Variants in MYLK3 observed in about 807,000 individuals in gnomAD.
MYLK3 encodes the protein myosin light chain kinase 3.
Under a neutral mutation model 76.3 loss-of-function variants are expected in MYLK3, and 55 were observed. The ratio of observed to expected loss-of-function variants is 0.72; its 90% CI spans 0.58 to 0.90. The LOEUF is 0.90. Among genes scored for constraint, MYLK3 ranks in the 40% least tolerant of loss-of-function variants. The pLI is 0.00. For missense variants in MYLK3, 973 were observed against 1,053.6 expected, an observed-to-expected ratio of 0.92 and a Z score of 1.06; for synonymous variants, 416 against 425.4, an observed-to-expected ratio of 0.98 and a Z score of 0.27.
rs969224187 is a variant in MYLK3 at position 46,709,761 on chromosome 16, G to A, written c.2268-90C>T. The A allele has an allele frequency of 2.2e-5, 32 of 1,439,786 alleles. No individual in the cohort carries two copies. In the African/African-American group the frequency reaches 4.1e-4, roughly 19 times the overall value. 89.2% of individuals were successfully genotyped at this position (1,439,786 alleles called of 1,614,324 possible). ...TCACTTGAGTAGGAAGCCTGAGTCA[G>A]TGGAACAGATTAATCATTTAGGCAG... On this transcript the variant is annotated intron_variant, in intron 11 of 12. Coordinates refer to ENST00000394809, the MANE Select transcript of MYLK3 (RefSeq NM_182493.3).
chr16:46,721,681 T>C (rs1966801570), intron 8 of MYLK3, among the ~76,000 whole-genome samples: 1 of 152,108 alleles, frequency 6.6e-6, no homozygotes, highest in Non-Finnish European at 1.5e-5. Flanking sequence ...AATTCAGGTT[T>C]TTATGTGAAA....
intron 1 of MYLK3, among the ~76,000 whole-genome samples, chr16:46,758,843 T>C (rs1321616953): frequency 1.3e-5 from 2 of 152,014 alleles, no homozygotes; most frequent in Non-Finnish European, 2.9e-5. Flanking sequence ...AGACTGGATA[T>C]AGGCTCGGCT....
At chr16:46,724,890 A>C (rs1239850112) in intron 8 of MYLK3, among the ~76,000 whole-genome samples, 3 of 152,190 alleles carry the variant, frequency 2.0e-5, no homozygotes, top group African/African-American at 7.2e-5. Context: ...GAGTATTGTC[A>C]CCTTAACAAT....
intron 8 of MYLK3, 46 bp from the exon 9 acceptor site, chr16:46,721,239 G>C: frequency 6.4e-7 from 1 of 1,557,604 alleles, no homozygotes; most frequent in Non-Finnish European, 8.9e-7. Context: ...AGCTGAGGAG[G>C]TCTGCAGCTG....
At chr16:46,739,793 A>G (rs762753384) in intron 2 of MYLK3, among the ~76,000 whole-genome samples, 49 of 152,242 alleles carry the variant, frequency 3.2e-4, no homozygotes, top group Non-Finnish European at 5.3e-4. Context: ...TTCAAAAATT[A>G]TACTTGAATT....
rs1470296148 is a variant in MYLK3 at position 46,738,961 on chromosome 16, C to A, written c.569-818G>T. Among the ~76,000 whole-genome samples the A allele has an allele frequency of 2.6e-5, 4 of 152,190 alleles. No homozygotes were observed. In the East Asian group the frequency reaches 5.8e-4, roughly 22 times the overall value. ...GTCCAAGCGATTCTCCTGCCTCAGCCTCCTGAGTAGCTGGGATTACAGGCA... is the reference window on the plus strand; with the variant it reads ...GTCCAAGCGATTCTCCTGCCTCAGCATCCTGAGTAGCTGGGATTACAGGCA... On this transcript the variant is annotated intron_variant, in intron 2 of 12. Transcript: ENST00000394809.
intron 1 of MYLK3, among the ~76,000 whole-genome samples, chr16:46,745,700 C>A (rs545632685): frequency 2.0e-5 from 3 of 152,220 alleles, no homozygotes; most frequent in Non-Finnish European, 4.4e-5. Flanking sequence ...CAGTCGAGAT[C>A]GCGCCATTGA....
In MYLK3 at chr16:46,757,179, G is replaced by A. The variant is rs949724352; in HGVS notation, c.-114+5861C>T. The stretch of plus-strand genomic sequence containing the variant: ...CAGAAAGCCACGCAGAGTTTAATGC[G>A]GACAACTTCAGGGGTAGCTGCCATC... On this transcript the variant is annotated intron_variant, in intron 1 of 11. Transcript: ENST00000536476. Among the ~76,000 whole-genome samples the A allele has an allele frequency of 1.5e-4, 21 of 142,948 alleles. 1 individual carries two copies. The highest frequency in any genetic ancestry group is 3.6e-4 in the African/African-American group (14 of 39,306). 93.8% of individuals were successfully genotyped at this position (142,948 alleles called of 152,430 possible).
chr16:46,736,862 C>T (rs781005386), intron 3 of MYLK3, among the ~76,000 whole-genome samples: 6 of 152,052 alleles, frequency 3.9e-5, no homozygotes, highest in Admixed American at 2.0e-4. Flanking sequence ...CCCTGGGGAC[C>T]GGGACGTGCT....
rs698417 is a variant in MYLK3, at chr16:46,704,657, G to T, written c.*3047C>A. ...TAAGTTATATAAATTATTAAAATTG[G>T]CTTTCAATGGGTTTTGTTAGAGAAG... On this transcript the variant is annotated 3_prime_UTR_variant, in exon 13 of 13. Coordinates refer to ENST00000394809, the MANE Select transcript of MYLK3 (RefSeq NM_182493.3). 3 of 152,294 alleles carry T rather than the reference G, an allele frequency of 2.0e-5. No homozygotes were observed. The South Asian group carries it at 6.2e-4, about 32-fold the overall frequency. 9.4% of individuals were successfully genotyped at this position (152,294 alleles called of 1,614,324 possible).
chr16:46,720,686 C>T (rs963941464), intron 9 of MYLK3, among the ~76,000 whole-genome samples: 5 of 152,178 alleles, frequency 3.3e-5, no homozygotes, highest in African/African-American at 7.2e-5. Context: ...CTACCCATGG[C>T]GCCACCCAAC....
intron 1 of MYLK3, among the ~76,000 whole-genome samples, chr16:46,758,573 G>A (rs150022089): frequency 1.3e-5 from 2 of 152,290 alleles, no homozygotes; most frequent in Non-Finnish European, 1.5e-5. Flanking sequence ...AGAAAGGCAT[G>A]GGGACAGCGT....
chr16:46,715,105 A>G (rs1219814161), intron 9 of MYLK3, among the ~76,000 whole-genome samples: 1 of 152,204 alleles, frequency 6.6e-6, no homozygotes, highest in Non-Finnish European at 1.5e-5. Context: ...TCAAGCACAG[A>G]GCACAGCAGC....
intron 1 of MYLK3, among the ~76,000 whole-genome samples, chr16:46,757,781 C>T (rs1227503156): frequency 6.6e-6 from 1 of 152,198 alleles, no homozygotes; most frequent in Non-Finnish European, 1.5e-5. Flanking sequence ...AGCAAAGTGT[C>T]CAGCTGTGAA....
chr16:46,743,446 C>T (rs1966966829), intron 1 of MYLK3, among the ~76,000 whole-genome samples: 1 of 152,174 alleles, frequency 6.6e-6, no homozygotes, highest in Admixed American at 6.5e-5. Flanking sequence ...ATTCTCTGAG[C>T]CCTTCCTGCA....
chr16:46,709,687 G>A lies in MYLK3; in HGVS notation c.2268-16C>T, dbSNP rs1030668147. 2.5e-6 allele frequency: 4 copies of A among 1,608,104 alleles called. No homozygotes were observed. The highest frequency in any genetic ancestry group is 2.7e-5 in the African/African-American group (2 of 74,556). Reference sequence around the variant, plus strand: ...CATTCTGCAGCTGTGAAATCAAAGAGCAGTTAAGACTTTTAGTTGGAGTTG... The same window carrying A: ...CATTCTGCAGCTGTGAAATCAAAGAACAGTTAAGACTTTTAGTTGGAGTTG... On this transcript the variant is annotated splice_polypyrimidine_tract_variant and intron_variant, in intron 11 of 12. Transcript: ENST00000394809.
In MYLK3 at chr16:46,732,397, C is replaced by T. The variant is rs1335005518; in HGVS notation, c.1273G>A (p.Gly425Ser). ...CTCCTGGCCAAGCTTGGTCTCGTGC[C>T]AGGCTCGGCCCCAGCCCTTTGCTCC... ...EEEQRAGAEP[G>S]TRPSLARSDD... Residue 425 changes from glycine (G) to serine (S), a missense_variant, in exon 4 of 13, where the codon GGC becomes AGC. Gly to Ser is a moderately conservative substitution (Grantham distance 56). Transcript: ENST00000394809. The T allele has an allele frequency of 6.2e-7, 1 of 1,613,664 alleles. No individual in the cohort carries two copies. The highest frequency in any genetic ancestry group is 2.2e-5 in the East Asian group (1 of 44,878).
chr16:46,755,906 C>CTTTTTTTT (rs772833701), intron 1 of MYLK3, among the ~76,000 whole-genome samples: 2 of 109,744 alleles, frequency 1.8e-5, no homozygotes, highest in Non-Finnish European at 3.4e-5. Flanking sequence ...TTTTTTCTTT[C>CTTTTTTTT]TTTTTTTTTT....
intron 9 of MYLK3, among the ~76,000 whole-genome samples, chr16:46,720,676 C>T (rs1410149497): frequency 6.6e-6 from 1 of 152,160 alleles, no homozygotes; most frequent in Non-Finnish European, 1.5e-5. Context: ...ACAGAAACAC[C>T]TACCCATGGC....
Sources: gnomAD v4.1 joint callset for allele counts (sites outside exome capture counted in the v4.1 genomes callset) on GRCh38, gnomAD v4.1.1 for gene constraint, MANE v1.5 for transcripts, NCBI Gene and HGNC (gene_info 2026-07-23, HGNC 2026-07-21) for gene names.